ZNF804A: variants seen among roughly 807,000 people sequenced by gnomAD.
ZNF804A encodes zinc finger protein 804A.
ZNF804A carries 2 observed loss-of-function variants against 16.5 expected under a neutral mutation model. The observed-to-expected ratio is 0.12, with a 90% CI of 0.05 to 0.38. The LOEUF (loss-of-function observed/expected upper bound fraction) is 0.38. Among genes scored for constraint, ZNF804A ranks in the 10% least tolerant of loss-of-function variants. The probability of loss-of-function intolerance (pLI) is 0.99; values close to 1 mark genes in which losing one functional copy is unlikely to be tolerated. For missense variants in ZNF804A, 1,473 were observed against 1,390.7 expected (o/e 1.06, Z -0.94); for synonymous variants, 534 against 489.6 (o/e 1.09, Z -1.20).
intron 1 of ZNF804A, among the ~76,000 whole-genome samples, chr2:184,658,891 A>G (rs1692123460): frequency 6.6e-6 from 1 of 152,248 alleles, no homozygotes; most frequent in African/African-American, 2.4e-5. Flanking sequence ...TTCATTTACT[A>G]TTCTGCAAAC....
intron 1 of ZNF804A, among the ~76,000 whole-genome samples, chr2:184,701,520 A>T (rs1692919352): frequency 6.6e-6 from 1 of 151,920 alleles, no homozygotes; most frequent in South Asian, 2.1e-4. Context: ...TTTGATTCAA[A>T]TGAGGTTAGC....
At chr2:184,630,655 A>C (rs1012028350) in intron 1 of ZNF804A, among the ~76,000 whole-genome samples, 1 of 152,170 alleles carries the variant, frequency 6.6e-6, no homozygotes, top group African/African-American at 2.4e-5. Context: ...CACTTATAAT[A>C]GAAGCTATGC....
chr2:184,788,038 G>A (rs1313507408), intron 1 of ZNF804A, among the ~76,000 whole-genome samples: 3 of 151,984 alleles, frequency 2.0e-5, no homozygotes, highest in Admixed American at 1.3e-4. Context: ...AGATAGGATA[G>A]TTTCATTCTC....
chr2:184,727,886 G>A (rs1045622646), intron 1 of ZNF804A, among the ~76,000 whole-genome samples: 1 of 151,616 alleles, frequency 6.6e-6, no homozygotes, highest in Non-Finnish European at 1.5e-5. Flanking sequence ...GTTATTATTG[G>A]CATTTTGCAA....
intron 1 of ZNF804A, among the ~76,000 whole-genome samples, chr2:184,644,585 G>A (rs80209619): frequency 0.018 from 2,699 of 151,510 alleles, 54 homozygotes; most frequent in African/African-American, 0.061. Flanking sequence ...CTGTAATGTC[G>A]TCATTAAATC....
intron 1 of ZNF804A, among the ~76,000 whole-genome samples, chr2:184,704,565 T>A (rs992443845): frequency 3.9e-5 from 6 of 152,142 alleles, no homozygotes; most frequent in African/African-American, 1.4e-4. Context: ...TGTGGAAGAT[T>A]AGTGAAAAAA....
At chr2:184,874,963 C>T (rs1256496931) in intron 2 of ZNF804A, among the ~76,000 whole-genome samples, 1 of 152,130 alleles carries the variant, frequency 6.6e-6, no homozygotes, top group Non-Finnish European at 1.5e-5. Context: ...CTTTACATAA[C>T]AGGAAATACA....
chr2:184,801,819 G>A (rs183465963), intron 1 of ZNF804A, among the ~76,000 whole-genome samples: 2 of 152,310 alleles, frequency 1.3e-5, no homozygotes, highest in East Asian at 1.9e-4. Context: ...TCTTCAGAGT[G>A]TAGATTTTCT....
In ZNF804A at chr2:184,936,676, C is replaced by G. The variant is rs1410372889; in HGVS notation, c.1280C>G (p.Pro427Arg). The G allele has an allele frequency of 6.2e-7, 1 of 1,613,842 alleles. No individual in the cohort carries two copies. The highest frequency in any genetic ancestry group is 8.5e-7 in the Non-Finnish European group (1 of 1,179,892). Reference sequence around the variant, plus strand: ...AAAAGACAATGTGAGCCATTTGTACCTGTCCTTAACAAACACAGATCTACA... The same window carrying G: ...AAAAGACAATGTGAGCCATTTGTACGTGTCCTTAACAAACACAGATCTACA... Reference protein sequence around the residue: ...FCKRQCEPFVPVLNKHRSTVL... With the variant: ...FCKRQCEPFVRVLNKHRSTVL... The change falls in exon 4 of 4, where the codon CCT becomes CGT. Residue 427 changes from proline (P) to arginine (R), a missense_variant. Coordinates refer to ENST00000302277, the MANE Select transcript of ZNF804A (RefSeq NM_194250.2).
At chr2:184,772,098 C>A (rs570377811) in intron 1 of ZNF804A, among the ~76,000 whole-genome samples, 1 of 151,954 alleles carries the variant, frequency 6.6e-6, no homozygotes, top group South Asian at 2.1e-4. Flanking sequence ...ATTTTATTTT[C>A]CATTATTTTC....
At chr2:184,886,542 A>C (rs1684894270) in intron 2 of ZNF804A, among the ~76,000 whole-genome samples, 1 of 152,190 alleles carries the variant, frequency 6.6e-6, no homozygotes, top group African/African-American at 2.4e-5. Flanking sequence ...GCCCTAGCAG[A>C]GGTTCTCCAT....
At chr2:184,724,083 C>A (rs1490908398) in intron 1 of ZNF804A, among the ~76,000 whole-genome samples, 1 of 151,528 alleles carries the variant, frequency 6.6e-6, no homozygotes, top group African/African-American at 2.4e-5. Flanking sequence ...ACTTCTATTT[C>A]TCTTCCTCAT....
intron 1 of ZNF804A, among the ~76,000 whole-genome samples, chr2:184,637,511 A>G (rs528678356): frequency 5.3e-5 from 8 of 152,176 alleles, no homozygotes; most frequent in Non-Finnish European, 8.8e-5. Flanking sequence ...TATAAAAAGT[A>G]TAACATTTTA....
At chr2:184,801,886 G>A (rs1035628749) in intron 1 of ZNF804A, among the ~76,000 whole-genome samples, 2 of 152,094 alleles carry the variant, frequency 1.3e-5, no homozygotes, top group Admixed American at 6.6e-5. Flanking sequence ...TGTTAGGAGC[G>A]ATGGAAATGG....
intron 3 of ZNF804A, among the ~76,000 whole-genome samples, chr2:184,934,118 A>C (rs888685248): frequency 7.9e-5 from 12 of 152,110 alleles, no homozygotes; most frequent in Admixed American, 5.9e-4. Flanking sequence ...TAAAATGAAA[A>C]TTTGGAGAAC....
chr2:184,879,392 T>C (rs1444559314), intron 2 of ZNF804A, among the ~76,000 whole-genome samples: 1 of 151,970 alleles, frequency 6.6e-6, no homozygotes, highest in African/African-American at 2.4e-5. Context: ...CCAATAAACA[T>C]TTCTTTCTTT....
intron 1 of ZNF804A, among the ~76,000 whole-genome samples, chr2:184,718,175 C>T (rs1693244571): frequency 6.6e-6 from 1 of 152,112 alleles, no homozygotes. Context: ...AGGATTTGTG[C>T]TGGGAAACTT....
chr2:184,610,134 G>A lies in ZNF804A; in HGVS notation c.111+11064G>A, dbSNP rs1209194895. Among the ~76,000 whole-genome samples, 5 of 152,016 alleles carry A rather than the reference G, an allele frequency of 3.3e-5. No individual in the cohort carries two copies. The South Asian group carries it at 6.2e-4, about 19-fold the overall frequency. On this transcript the variant is annotated intron_variant, in intron 1 of 3. Coordinates refer to ENST00000302277, the MANE Select transcript of ZNF804A (RefSeq NM_194250.2). ...ATAAAAATCAATTTGGCTGTTACTC[G>A]TAAGTCCACTTGCGATGTGATGCCC...
intron 1 of ZNF804A, among the ~76,000 whole-genome samples, chr2:184,813,375 G>C (rs1694930001): frequency 6.6e-6 from 1 of 152,128 alleles, no homozygotes; most frequent in Non-Finnish European, 1.5e-5. Context: ...TGAATGGTGA[G>C]ATAAGAAAAT....
Sources: gnomAD v4.1 joint callset for allele counts (sites outside exome capture counted in the v4.1 genomes callset) on GRCh38, gnomAD v4.1.1 for gene constraint, MANE v1.5 for transcripts, NCBI Gene and HGNC (gene_info 2026-07-23, HGNC 2026-07-21) for gene names.